Variants in PHTF2 observed in about 807,000 individuals in gnomAD.
PHTF2 encodes putative homeodomain transcription factor 2, also known as protein PHTF2.
A neutral mutation model predicts 101.2 loss-of-function variants in PHTF2; 60 were observed. That is an observed-to-expected ratio of 0.59 (90% CI 0.48 to 0.73). The LOEUF (loss-of-function observed/expected upper bound fraction) is 0.73, where lower values mean the gene tolerates loss of function less well. PHTF2 is among the 30% of genes least tolerant of loss of function. The pLI is 0.00. For missense variants in PHTF2, 747 were observed against 908.7 expected (o/e 0.82, Z 2.29); for synonymous variants, 311 against 307.3 (o/e 1.01, Z -0.13).
chr7:77,887,417 ATTG>A (rs1437282565), intron 3 of PHTF2, among the ~76,000 whole-genome samples: 1 of 146,516 alleles, frequency 6.8e-6, no homozygotes, highest in East Asian at 2.0e-4. Context: ...TTCCATAATT[ATTG>A]TTGTTGTTTT....
intron 3 of PHTF2, among the ~76,000 whole-genome samples, chr7:77,872,651 C>T (rs1428187847): frequency 6.6e-6 from 1 of 152,150 alleles, no homozygotes; most frequent in East Asian, 1.9e-4. Context: ...ACTGTTAGAC[C>T]TGACATACCT....
chr7:77,910,205 T>C, intron 8 of PHTF2, 40 bp from the exon 8 acceptor site: 1 of 1,566,400 alleles, frequency 6.4e-7, no homozygotes, highest in Non-Finnish European at 8.7e-7. Context: ...GTTATTAAAA[T>C]ATTAAAGCTG....
At chr7:77,946,328 A>G (rs776862076) in intron 16 of PHTF2, among the ~76,000 whole-genome samples, 3 of 152,232 alleles carry the variant, frequency 2.0e-5, no homozygotes, top group Non-Finnish European at 2.9e-5. Context: ...CAAGCATTAT[A>G]CATAATGATA....
chr7:77,952,757 A>G (rs1806662095), intron 18 of PHTF2, among the ~76,000 whole-genome samples: 1 of 152,220 alleles, frequency 6.6e-6, no homozygotes, highest in Non-Finnish European at 1.5e-5. Flanking sequence ...AAAGCATAAT[A>G]GTATGATTCT....
chr7:77,845,500 T>G (rs1266441168), intron 2 of PHTF2, among the ~76,000 whole-genome samples: 1 of 152,194 alleles, frequency 6.6e-6, no homozygotes, highest in African/African-American at 2.4e-5. Context: ...ATGAGCCAGC[T>G]TTGGGATTCA....
intron 12 of PHTF2, 22 bp downstream of exon 11, chr7:77,929,349 A>C (rs929780738): frequency 1.7e-6 from 2 of 1,204,946 alleles, no homozygotes; most frequent in Admixed American, 1.8e-5. Flanking sequence ...GTTTTGGCTT[A>C]TGTGGAGCTA....
chr7:77,808,815 A>G (rs1353215753), intron 1 of PHTF2, among the ~76,000 whole-genome samples: 1 of 152,148 alleles, frequency 6.6e-6, no homozygotes, highest in Non-Finnish European at 1.5e-5. Flanking sequence ...CACTTGGACA[A>G]TCATAGGGCT....
intron 4 of PHTF2, 53 bp from the exon 4 acceptor site, chr7:77,893,929 T>C: frequency 7.6e-7 from 1 of 1,322,184 alleles, no homozygotes; most frequent in South Asian, 1.2e-5. Context: ...CTTGTCACCT[T>C]ATACTTCTAG....
At chr7:77,949,308 A>C (rs1288434149) in intron 16 of PHTF2, among the ~76,000 whole-genome samples, 1 of 152,130 alleles carries the variant, frequency 6.6e-6, no homozygotes, top group East Asian at 1.9e-4. Context: ...TAGTTCAAGG[A>C]TGTATATGTA....
chr7:77,924,315 A>T (rs891847194), intron 11 of PHTF2: 3 of 193,026 alleles, frequency 1.6e-5, no homozygotes, highest in African/African-American at 7.1e-5. Flanking sequence ...GACCCACTCA[A>T]ACACAATGAG....
chr7:77,912,057 T>G (rs138770418), intron 9 of PHTF2, among the ~76,000 whole-genome samples: 1 of 152,212 alleles, frequency 6.6e-6, no homozygotes, highest in Non-Finnish European at 1.5e-5. Context: ...ATGTGTAGTA[T>G]TCAGAGTCCC....
At chr7:77,849,128 G>A (rs1331409132) in intron 2 of PHTF2, among the ~76,000 whole-genome samples, 1 of 151,190 alleles carries the variant, frequency 6.6e-6, no homozygotes, top group Middle Eastern at 3.4e-3. Flanking sequence ...TTTTTGTTTT[G>A]TTTTTGCTTT....
chr7:77,893,993 GGTAA>G lies in PHTF2; in HGVS notation c.216+3_216+6del, dbSNP rs1358430152. On this transcript the variant is annotated splice_donor_variant and splice_donor_region_variant and intron_variant, in intron 5 of 19. Transcript: ENST00000416283. LOFTEE classifies it high-confidence loss of function. ...ATTGCTCTGTACAGTTTATTAAACTGGTAAGTGTTTCAGGATTTTTCCCGCCTGA... is the reference window on the plus strand; with the variant it reads ...ATTGCTCTGTACAGTTTATTAAACTGGTGTTTCAGGATTTTTCCCGCCTGA... 8.1e-6 allele frequency: 13 copies of G among 1,600,330 alleles called. No homozygotes were observed. The highest frequency in any genetic ancestry group is 1.3e-5 in the African/African-American group (1 of 74,606).
At chr7:77,858,230 T>G (rs1005618699) in intron 3 of PHTF2, among the ~76,000 whole-genome samples, 1 of 152,222 alleles carries the variant, frequency 6.6e-6, no homozygotes, top group Non-Finnish European at 1.5e-5. Context: ...GGATTTTTCT[T>G]CCCTATTTTG....
chr7:77,924,570 C>A (rs558195611), intron 11 of PHTF2, among the ~76,000 whole-genome samples: 1 of 152,226 alleles, frequency 6.6e-6, no homozygotes, highest in South Asian at 2.1e-4. Flanking sequence ...TTTAATTTTT[C>A]TTGATAAAAG....
intron 3 of PHTF2, among the ~76,000 whole-genome samples, chr7:77,875,767 C>T (rs1465836225): frequency 6.6e-6 from 1 of 151,946 alleles, no homozygotes; most frequent in Non-Finnish European, 1.5e-5. Flanking sequence ...GTGCGTTAGC[C>T]GGGATGGTCT....
intron 18 of PHTF2, among the ~76,000 whole-genome samples, chr7:77,952,166 ATT>A (rs1806605798): frequency 6.6e-6 from 1 of 152,108 alleles, no homozygotes; most frequent in Non-Finnish European, 1.5e-5. Flanking sequence ...AAGGAATACA[ATT>A]TTGATGTATT....
At chr7:77,870,664 G>C (rs941175325) in intron 3 of PHTF2, among the ~76,000 whole-genome samples, 1 of 152,060 alleles carries the variant, frequency 6.6e-6, no homozygotes, top group Non-Finnish European at 1.5e-5. Flanking sequence ...TCAAAACTTT[G>C]TATCCTTCAG....
chr7:77,880,114 T>C (rs1278935770), intron 3 of PHTF2, among the ~76,000 whole-genome samples: 1 of 152,230 alleles, frequency 6.6e-6, no homozygotes, highest in African/African-American at 2.4e-5. Flanking sequence ...GTATTTTTTA[T>C]TTTCCTGTTT....
Sources: gnomAD v4.1 joint callset for allele counts (sites outside exome capture counted in the v4.1 genomes callset) on GRCh38, gnomAD v4.1.1 for gene constraint, MANE v1.5 for transcripts, NCBI Gene and HGNC (gene_info 2026-07-23, HGNC 2026-07-21) for gene names.